KCNH1: variants seen among roughly 807,000 people sequenced by gnomAD.
KCNH1 encodes voltage-gated delayed rectifier potassium channel KCNH1.
In KCNH1, 27 loss-of-function variants were observed where a neutral mutation model predicts 69.2. The ratio of observed to expected loss-of-function variants is 0.39; its 90% CI spans 0.29 to 0.54. KCNH1 has a LOEUF of 0.54. Ranked by LOEUF, KCNH1 falls within the 20% of genes least tolerant of loss-of-function variation. The pLI is 0.68. For missense variants in KCNH1, 798 were observed against 1,261.6 expected, an observed-to-expected ratio of 0.63 and a Z score of 5.57; for synonymous variants, 456 against 487.7, an observed-to-expected ratio of 0.93 and a Z score of 0.86.
At chr1:211,095,342 C>T (rs1691129470) in intron 3 of KCNH1, among the ~76,000 whole-genome samples, 2 of 152,132 alleles carry the variant, frequency 1.3e-5, no homozygotes, top group African/African-American at 4.8e-5. Flanking sequence ...CACTTGATAA[C>T]CCTACTGATG....
At chr1:211,018,087 C>A (rs1689523794) in intron 6 of KCNH1, among the ~76,000 whole-genome samples, 2 of 152,158 alleles carry the variant, frequency 1.3e-5, no homozygotes, top group Admixed American at 6.5e-5. Context: ...TCTGGACAAG[C>A]TGGCTCCCCC....
intron 10 of KCNH1, among the ~76,000 whole-genome samples, chr1:210,753,361 T>C (rs1047576284): frequency 4.6e-5 from 7 of 152,000 alleles, no homozygotes; most frequent in African/African-American, 1.7e-4. Context: ...ACACAAATAA[T>C]GGAAAAGACA....
At position 210,684,017 on chromosome 1, in the gene KCNH1, C is replaced by T. The variant is rs2149001196; in HGVS notation, c.2234G>A (p.Arg745Gln). 2.5e-6 allele frequency: 4 copies of T among 1,594,208 alleles called. No homozygotes were observed. The highest frequency in any genetic ancestry group is 3.4e-6 in the Non-Finnish European group (4 of 1,166,582). Residue 745 changes from arginine (R) to glutamine (Q), a missense_variant, in exon 11 of 11, where the codon CGA (arginine) becomes CAA (glutamine). Arg to Gln is a conservative substitution (Grantham distance 43, BLOSUM62 1). Transcript: ENST00000271751. ...HPVRRLFQRF[R>Q]QQKEARLAAE... ...TGCCAGCCTGGCCTCTTTCTGCTGT[C>T]GGAATCTCTGGAAGAGGCGCCGGAC...
intron 3 of KCNH1, among the ~76,000 whole-genome samples, chr1:211,101,232 C>G (rs1217480953): frequency 6.6e-6 from 1 of 152,164 alleles, no homozygotes; most frequent in Non-Finnish European, 1.5e-5. Context: ...TCTATCTCTT[C>G]ATACTTGCAT....
At chr1:210,998,696 C>T (rs1689104844) in intron 6 of KCNH1, among the ~76,000 whole-genome samples, 1 of 152,192 alleles carries the variant, frequency 6.6e-6, no homozygotes, top group Non-Finnish European at 1.5e-5. Context: ...CACCCCAAAT[C>T]AACAGAATAT....
At chr1:210,730,511 A>T (rs1682718967) in intron 10 of KCNH1, among the ~76,000 whole-genome samples, 1 of 151,988 alleles carries the variant, frequency 6.6e-6, no homozygotes, top group South Asian at 2.1e-4. Flanking sequence ...CTCCTTCCCT[A>T]CCTCTGACCC....
At chr1:210,976,897 G>A (rs1014309659) in intron 6 of KCNH1, among the ~76,000 whole-genome samples, 16 of 145,712 alleles carry the variant, frequency 1.1e-4, no homozygotes, top group African/African-American at 3.6e-4. Flanking sequence ...AGTCAGTGTG[G>A]CGAGTCCTCA....
At chr1:210,732,121 C>A (rs1490402727) in intron 10 of KCNH1, among the ~76,000 whole-genome samples, 1 of 151,774 alleles carries the variant, frequency 6.6e-6, no homozygotes, top group African/African-American at 2.4e-5. Context: ...CTAGCTGCAA[C>A]CCCCACCATC....
At chr1:210,822,400 A>G (rs1684947905) in intron 7 of KCNH1, among the ~76,000 whole-genome samples, 1 of 152,052 alleles carries the variant, frequency 6.6e-6, no homozygotes, top group Non-Finnish European at 1.5e-5. Context: ...TGCCCATGAA[A>G]CCATTTTCAG....
chr1:210,853,946 CA>C (rs11445997), intron 7 of KCNH1, among the ~76,000 whole-genome samples: 157 of 61,524 alleles, frequency 2.6e-3, no homozygotes, highest in Middle Eastern at 0.017. Context: ...TTATCTAAGC[CA>C]AAAAAAAAAA....
chr1:211,044,520 C>T (rs12122909), intron 5 of KCNH1, among the ~76,000 whole-genome samples: 6 of 152,126 alleles, frequency 3.9e-5, no homozygotes, highest in East Asian at 1.9e-4. Flanking sequence ...CATCTGACAA[C>T]GGACTAATAT....
At chr1:211,062,348 T>C (rs1571616921) in intron 5 of KCNH1, among the ~76,000 whole-genome samples, 1 of 152,028 alleles carries the variant, frequency 6.6e-6, no homozygotes, top group African/African-American at 2.4e-5. Flanking sequence ...ATCTAATACC[T>C]AACTATGAAA....
At chr1:210,955,859 T>C (rs1285713096) in intron 6 of KCNH1, among the ~76,000 whole-genome samples, 1 of 152,214 alleles carries the variant, frequency 6.6e-6, no homozygotes, top group Non-Finnish European at 1.5e-5. Flanking sequence ...CAGGGACAAT[T>C]TGACTTCCTC....
At chr1:211,099,239 C>T (rs1209046075) in intron 3 of KCNH1, among the ~76,000 whole-genome samples, 3 of 151,118 alleles carry the variant, frequency 2.0e-5, no homozygotes, top group Non-Finnish European at 3.0e-5. Flanking sequence ...TGTACACAGA[C>T]AAAAACAAAA....
At chr1:210,811,573 C>T (rs1166573941) in intron 7 of KCNH1, among the ~76,000 whole-genome samples, 1 of 152,092 alleles carries the variant, frequency 6.6e-6, no homozygotes, top group African/African-American at 2.4e-5. Flanking sequence ...TTTGCTGTTG[C>T]TTTTGTGGGG....
chr1:211,000,764 AC>A (rs1689160797), intron 6 of KCNH1, among the ~76,000 whole-genome samples: 1 of 152,188 alleles, frequency 6.6e-6, no homozygotes, highest in African/African-American at 2.4e-5. Context: ...TTCAAACTAT[AC>A]TACAAGGCTA....
At chr1:210,992,494 G>T (rs1371112523) in intron 6 of KCNH1, among the ~76,000 whole-genome samples, 2 of 152,162 alleles carry the variant, frequency 1.3e-5, no homozygotes, top group Non-Finnish European at 2.9e-5. Flanking sequence ...ACAGGGGTAA[G>T]GCAGCATGTT....
intron 10 of KCNH1, among the ~76,000 whole-genome samples, chr1:210,685,104 CCT>C (rs1165730601): frequency 6.6e-6 from 1 of 152,082 alleles, no homozygotes; most frequent in Non-Finnish European, 1.5e-5. Flanking sequence ...TGAATTTGGC[CCT>C]GAGTGCAGCA....
chr1:210,982,473 T>A (rs1040201687), intron 6 of KCNH1, among the ~76,000 whole-genome samples: 3 of 152,066 alleles, frequency 2.0e-5, no homozygotes, highest in African/African-American at 7.2e-5. Flanking sequence ...CCTGTGTCCA[T>A]GTCTTCTCAT....
Sources: allele counts gnomAD v4.1 joint callset (sites outside exome capture counted in the v4.1 genomes callset), GRCh38; gene constraint gnomAD v4.1.1; transcripts MANE v1.5; gene names NCBI Gene and HGNC (gene_info 2026-07-23, HGNC 2026-07-21).